Variants in ZBTB46 observed in about 807,000 individuals in gnomAD.
The protein encoded by ZBTB46 is zinc finger and BTB domain-containing protein 46.
Under a neutral mutation model 44.1 loss-of-function variants are expected in ZBTB46, and 8 were observed. The ratio of observed to expected loss-of-function variants is 0.18; its 90% CI spans 0.11 to 0.33. The LOEUF (loss-of-function observed/expected upper bound fraction) is 0.33. ZBTB46 is among the 10% of genes least tolerant of loss of function. ZBTB46 has a pLI of 1.00. For synonymous variants in ZBTB46, 409 were observed against 382.3 expected (o/e 1.07, Z -0.81); for missense variants, 651 against 847.7 (o/e 0.77, Z 2.88).
chr20:63,752,842 G>A lies in ZBTB46; in HGVS notation c.1242C>T (p.Ile414=). ...HSLSLNEFTV[I]RKKFKCPYCS... is the part of the protein sequence containing the mutation. ...AGTACGGACACTTGAACTTCTTCCT[G>A]ATCACCGTGAACTCATTCACTGAAA... The change falls in exon 4 of 5, where the codon ATC becomes ATT. Residue 414 remains isoleucine (I), a synonymous_variant. Coordinates refer to ENST00000245663, the MANE Select transcript of ZBTB46 (RefSeq NM_001369741.1). The surrounding 1 kb of genome is among the most constrained non-coding windows in gnomAD (Gnocchi z 5.6). 1 of 1,609,666 alleles carries A rather than the reference G, an allele frequency of 6.2e-7. No individual in the cohort carries two copies. The highest frequency in any genetic ancestry group is 8.5e-7 in the Non-Finnish European group (1 of 1,177,210).
Position 63,747,254 on chromosome 20 carries a change from G to A in ZBTB46, c.1446C>T (p.Val482=), listed in dbSNP as rs766415396. 1.3e-6 allele frequency: 2 copies of A among 1,562,696 alleles called. No individual in the cohort carries two copies. The highest frequency in any genetic ancestry group is 8.6e-7 in the Non-Finnish European group (1 of 1,156,070). The change falls in exon 5 of 5, where the codon GTC becomes GTT. Residue 482 remains valine (V), a synonymous_variant. Coordinates refer to ENST00000245663, the MANE Select transcript of ZBTB46 (RefSeq NM_001369741.1). ...TGCCCACGCTGGCGGCGGACATGAA[G>A]ACGCGGCTGCACACCTTGCACACAT... The part of the protein sequence containing the change: ...KKYVCKVCSR[V]FMSAASVGIR...
chr20:63,750,431 G>A (rs1344727310), intron 4 of ZBTB46, among the ~76,000 whole-genome samples: 3 of 151,432 alleles, frequency 2.0e-5, no homozygotes, highest in African/African-American at 7.3e-5. Context: ...TAGAGACAGA[G>A]TCTCGCAATT....
At chr20:63,821,049 C>T (rs767255888) in intron 1 of ZBTB46, among the ~76,000 whole-genome samples, 9 of 151,884 alleles carry the variant, frequency 5.9e-5, no homozygotes, top group Non-Finnish European at 7.4e-5. Flanking sequence ...TGCGCCATCA[C>T]GCCCAGCTAA....
At chr20:63,808,329 T>C (rs11698072) in intron 1 of ZBTB46, among the ~76,000 whole-genome samples, 27,002 of 151,834 alleles carry the variant, frequency 0.18, 2,906 homozygotes, top group East Asian at 0.45. Flanking sequence ...TTCCCAGCCC[T>C]TGCCCCGGGG....
At chr20:63,812,367 G>A (rs1568898225) in intron 1 of ZBTB46, among the ~76,000 whole-genome samples, 1 of 152,020 alleles carries the variant, frequency 6.6e-6, no homozygotes, top group African/African-American at 2.4e-5. Flanking sequence ...AAATTAGCCG[G>A]GCAATGTGGT....
rs1601393344 is a variant in ZBTB46 at position 63,752,829 on chromosome 20, T to C, written c.1255A>G (p.Lys419Glu). Residue 419 changes from lysine (K) to glutamate (E), a missense_variant, in exon 4 of 5, where the codon AAG becomes GAG. This residue lies in a region of ZBTB46 where 385 missense variants were observed against 423.3 expected (regional missense o/e 0.91). Coordinates refer to ENST00000245663, the MANE Select transcript of ZBTB46 (RefSeq NM_001369741.1). This position sits in a 1 kb window ranked among gnomAD's most constrained non-coding sequence, Gnocchi z 5.6. ...NEFTVIRKKFKCPYCSFSAMH... is the reference protein window; with the variant it reads ...NEFTVIRKKFECPYCSFSAMH... The stretch of plus-strand genomic sequence containing the variant: ...GCCGAGAAGCTGCAGTACGGACACT[T>C]GAACTTCTTCCTGATCACCGTGAAC... 1.2e-6 allele frequency: 2 copies of C among 1,611,158 alleles called. No homozygotes were observed. Among genetic ancestry groups the C allele is most frequent in the Non-Finnish European group, 1.7e-6 (2 of 1,178,182 alleles).
At chr20:63,831,590 G>T (rs972559832), upstream of ZBTB46, among the ~76,000 whole-genome samples, 7 of 148,818 alleles carry the variant, frequency 4.7e-5, no homozygotes, top group East Asian at 1.4e-3. Context: ...CTGGCGGGGG[G>T]CTGGGGCGGC....
chr20:63,745,474 G>A lies in ZBTB46; in HGVS notation c.*1456C>T, dbSNP rs1296295604. On this transcript the variant is annotated 3_prime_UTR_variant, in exon 5 of 5. Transcript: ENST00000245663. ...GCTGGTGCTCTACCTGACAATGTGGGGAAAAGCCTGGTATACAGGCTAGAA... is the reference window on the plus strand; with the variant it reads ...GCTGGTGCTCTACCTGACAATGTGGAGAAAAGCCTGGTATACAGGCTAGAA... The A allele has an allele frequency of 6.6e-6, 1 of 152,256 alleles. No homozygotes were observed. The highest frequency in any genetic ancestry group is 2.4e-5 in the African/African-American group (1 of 41,450). 9.4% of individuals were successfully genotyped at this position (152,256 alleles called of 1,614,324 possible). A position where few individuals can be genotyped will look rare whatever the true frequency, so the allele number is the denominator to read the frequency against.
chr20:63,773,405 G>T (rs936104282), intron 3 of ZBTB46, among the ~76,000 whole-genome samples: 1 of 152,050 alleles, frequency 6.6e-6, no homozygotes, highest in African/African-American at 2.4e-5. Flanking sequence ...CTAACTTCTT[G>T]TAGGGATGGG....
intron 2 of ZBTB46, among the ~76,000 whole-genome samples, chr20:63,781,626 A>G (rs887433852): frequency 2.0e-5 from 3 of 152,166 alleles, no homozygotes; most frequent in Non-Finnish European, 2.9e-5. Flanking sequence ...CCCCGTCTCT[A>G]CTAAAAATAC....
chr20:63,795,482 G>A (rs1332290465), intron 1 of ZBTB46, among the ~76,000 whole-genome samples: 2 of 152,258 alleles, frequency 1.3e-5, no homozygotes, highest in African/African-American at 2.4e-5. Context: ...CAGGCAATGC[G>A]CCAGCACACT....
intron 3 of ZBTB46, among the ~76,000 whole-genome samples, chr20:63,762,045 G>GT (rs1256372454): frequency 6.6e-6 from 1 of 152,162 alleles, no homozygotes; most frequent in African/African-American, 2.4e-5. Context: ...CACTTTTGGT[G>GT]TAACGTTCAA....
Position 63,790,137 on chromosome 20 carries a change from G to A in ZBTB46, c.621C>T (p.Gly207=). Residue 207 remains glycine (G), a synonymous_variant, in exon 2 of 5, where the codon GGC becomes GGT. Transcript: ENST00000245663. ...GKEDQEPKAD[G]PDDVSSQPLW... is the part of the protein sequence containing the mutation. ...GAGGCTGTGAAGAAACATCATCAGG[G>A]CCATCGGCCTTGGGCTCCTGATCCT... The A allele has an allele frequency of 6.2e-7, 1 of 1,613,968 alleles. No individual in the cohort carries two copies. The highest frequency in any genetic ancestry group is 1.7e-5 in the Admixed American group (1 of 60,024).
chr20:63,808,567 G>A (rs1041085976), intron 1 of ZBTB46, among the ~76,000 whole-genome samples: 44 of 152,180 alleles, frequency 2.9e-4, no homozygotes, highest in Non-Finnish European at 4.7e-4. Context: ...AGCGAGTCCT[G>A]CCTCCCCATG....
chr20:63,755,229 AC>A (rs1032222957), intron 3 of ZBTB46, among the ~76,000 whole-genome samples: 1 of 152,224 alleles, frequency 6.6e-6, no homozygotes, highest in Non-Finnish European at 1.5e-5. Flanking sequence ...TTTTCCGGTC[AC>A]TACCATAACA....
intron 3 of ZBTB46, among the ~76,000 whole-genome samples, chr20:63,759,203 G>T (rs2092252476): frequency 6.6e-6 from 1 of 152,110 alleles, no homozygotes; most frequent in Non-Finnish European, 1.5e-5. Flanking sequence ...CCTATAAAAT[G>T]AAACTCTGTT....
chr20:63,790,938 G>C, intron 1 of ZBTB46, 148 bp from the exon 2 acceptor site: 2 of 1,180,044 alleles, frequency 1.7e-6, no homozygotes, highest in East Asian at 2.6e-5. Context: ...GGTGTGCAGC[G>C]GGAGGCCTGT....
chr20:63,752,688 G>A lies in ZBTB46; in HGVS notation c.1396C>T (p.Leu466=), dbSNP rs1008881066. Residue 466 remains leucine (L), a splice_region_variant and synonymous_variant, in exon 4 of 5, where the codon CTG becomes TTG. Transcript: ENST00000245663. The surrounding 1 kb of genome is among the most constrained non-coding windows in gnomAD (Gnocchi z 5.6). The stretch of plus-strand genomic sequence containing the variant: ...ACGCGGACCCTCCCCGCACTCACCA[G>A]CGTGTGGCGCTTCATGTGCTCGCGC... The part of the protein sequence containing the change: ...TRREHMKRHT[L]VHSKDKKYVC... 2.5e-6 allele frequency: 4 copies of A among 1,580,692 alleles called. No individual in the cohort carries two copies. The highest frequency in any genetic ancestry group is 3.4e-6 in the Non-Finnish European group (4 of 1,164,494).
chr20:63,748,129 C>T (rs575071577), intron 4 of ZBTB46, among the ~76,000 whole-genome samples: 9 of 152,252 alleles, frequency 5.9e-5, no homozygotes, highest in Non-Finnish European at 1.3e-4. Context: ...GAGGCAACTC[C>T]CCCACTCTCA....
Sources: allele counts gnomAD v4.1 joint callset (sites outside exome capture counted in the v4.1 genomes callset), GRCh38; gene constraint gnomAD v4.1.1; regional missense constraint gnomAD v4.1.1; non-coding constraint Gnocchi (gnomAD v3.1); transcripts MANE v1.5; gene names NCBI Gene and HGNC (gene_info 2026-07-23, HGNC 2026-07-21).